Variants in ADGRB3 observed in about 807,000 individuals in gnomAD.
ADGRB3 encodes adhesion G protein-coupled receptor B3.
In ADGRB3, 37 loss-of-function variants were observed where a neutral mutation model predicts 193.4. The observed-to-expected ratio is 0.19, with a 90% confidence interval of 0.15 to 0.25. The LOEUF (loss-of-function observed/expected upper bound fraction) is 0.25. Among genes scored for constraint, ADGRB3 ranks in the 10% least tolerant of loss-of-function variants. ADGRB3 has a pLI of 1.00. For synonymous variants in ADGRB3, 690 were observed against 644.2 expected (o/e 1.07, Z -1.08); for missense variants, 1,637 against 1,852.9 (o/e 0.88, Z 2.14).
At chr6:69,326,642 T>C (rs1768576126) in intron 21 of ADGRB3, among the ~76,000 whole-genome samples, 1 of 152,084 alleles carries the variant, frequency 6.6e-6, no homozygotes, top group Non-Finnish European at 1.5e-5. Flanking sequence ...TACAATAAAA[T>C]GAATCTAGAA....
chr6:69,376,233 G>C (rs1472746817), intron 30 of ADGRB3, among the ~76,000 whole-genome samples: 1 of 151,474 alleles, frequency 6.6e-6, no homozygotes, highest in African/African-American at 2.4e-5. Flanking sequence ...GGGACCACAG[G>C]CATGTGCCAC....
At chr6:69,028,436 C>G (rs1295984144) in intron 13 of ADGRB3, among the ~76,000 whole-genome samples, 1 of 152,142 alleles carries the variant, frequency 6.6e-6, no homozygotes, top group African/African-American at 2.4e-5. Context: ...ATCTTCATCT[C>G]TACAGCTTTA....
chr6:69,039,035 A>C (rs987365889), intron 13 of ADGRB3, among the ~76,000 whole-genome samples: 1 of 152,174 alleles, frequency 6.6e-6, no homozygotes, highest in African/African-American at 2.4e-5. Flanking sequence ...TTTGATTGGC[A>C]TGCCCACACT....
chr6:68,768,768 G>T (rs979079195), intron 3 of ADGRB3, among the ~76,000 whole-genome samples: 2 of 151,926 alleles, frequency 1.3e-5, no homozygotes, highest in African/African-American at 4.8e-5. Flanking sequence ...TACAGAATGG[G>T]AGAAAGTTTT....
chr6:69,045,886 A>C (rs1243897585), intron 13 of ADGRB3, among the ~76,000 whole-genome samples: 1 of 152,186 alleles, frequency 6.6e-6, no homozygotes, highest in African/African-American at 2.4e-5. Context: ...TGATTTTTCC[A>C]TTCCTTTAAT....
At chr6:68,886,641 G>A (rs1765915055) in intron 3 of ADGRB3, among the ~76,000 whole-genome samples, 2 of 151,958 alleles carry the variant, frequency 1.3e-5, no homozygotes, top group Admixed American at 1.3e-4. Context: ...TTAGCAAAAT[G>A]AACCCAGATT....
intron 3 of ADGRB3, among the ~76,000 whole-genome samples, chr6:68,835,797 T>C (rs1323490763): frequency 6.6e-6 from 1 of 152,216 alleles, no homozygotes; most frequent in Non-Finnish European, 1.5e-5. Context: ...TAGCATTGTT[T>C]TTTGCTTTGA....
intron 30 of ADGRB3, among the ~76,000 whole-genome samples, chr6:69,378,931 A>G (rs1769890199): frequency 6.6e-6 from 1 of 152,002 alleles, no homozygotes; most frequent in South Asian, 2.1e-4. Context: ...TCAATAATTA[A>G]AGGATTGCAA....
chr6:69,386,380 CT>C (rs1357155028), intron 31 of ADGRB3, among the ~76,000 whole-genome samples: 1 of 152,056 alleles, frequency 6.6e-6, no homozygotes, highest in Non-Finnish European at 1.5e-5. Flanking sequence ...TTCTTTCAAA[CT>C]AAGGATTCCC....
chr6:69,381,965 T>G (rs796278127), intron 30 of ADGRB3, among the ~76,000 whole-genome samples: 13 of 151,968 alleles, frequency 8.6e-5, no homozygotes, highest in African/African-American at 3.1e-4. Context: ...AAATAACAAT[T>G]ACAAATACAG....
At chr6:69,378,270 T>C (rs1300428997) in intron 30 of ADGRB3, among the ~76,000 whole-genome samples, 4 of 152,080 alleles carry the variant, frequency 2.6e-5, no homozygotes, top group African/African-American at 9.7e-5. Context: ...TAGCCCATCC[T>C]GGATTGTTTT....
intron 3 of ADGRB3, among the ~76,000 whole-genome samples, chr6:68,703,668 C>T (rs1765279444): frequency 6.6e-6 from 1 of 152,020 alleles, no homozygotes; most frequent in African/African-American, 2.4e-5. Flanking sequence ...TGTTGCCCAG[C>T]CTGGAGTGCA....
intron 17 of ADGRB3, among the ~76,000 whole-genome samples, chr6:69,219,968 A>C (rs1983911): frequency 1.1e-3 from 171 of 152,210 alleles, no homozygotes; most frequent in Non-Finnish European, 2.1e-3. Flanking sequence ...TATATTAATT[A>C]TGACAGAGAA....
chr6:69,375,236 T>A (rs1473622649), intron 30 of ADGRB3, among the ~76,000 whole-genome samples: 1 of 152,144 alleles, frequency 6.6e-6, no homozygotes, highest in African/African-American at 2.4e-5. Flanking sequence ...AGAATGATTT[T>A]TTATACTCTA....
rs193210351 is a variant in ADGRB3 at position 68,981,510 on chromosome 6, A to G, written c.1734+6170A>G. Among the ~76,000 whole-genome samples the G allele has an allele frequency of 4.7e-4, 71 of 151,822 alleles. 3 individuals are homozygous for G. Among genetic ancestry groups the G allele is most frequent in the Non-Finnish European group, 8.6e-4 (58 of 67,768 alleles). On this transcript the variant is annotated intron_variant, in intron 10 of 31. Coordinates refer to ENST00000370598, the MANE Select transcript of ADGRB3 (RefSeq NM_001704.3). ...TTCCATTATGCCTGTAAAACTTTCA[A>G]TTGTATTGACTTTATGTATTGTATT... is the stretch of plus-strand genomic sequence containing the variant.
intron 15 of ADGRB3, among the ~76,000 whole-genome samples, chr6:69,053,724 C>G (rs550472381): frequency 2.0e-5 from 3 of 152,172 alleles, no homozygotes; most frequent in Non-Finnish European, 4.4e-5. Context: ...TTGGCAAGCT[C>G]GTAAACTGCT....
chr6:68,867,738 A>G (rs1384368896), intron 3 of ADGRB3, among the ~76,000 whole-genome samples: 5 of 152,174 alleles, frequency 3.3e-5, no homozygotes, highest in Non-Finnish European at 7.3e-5. Context: ...TTGTATCCGC[A>G]TGTCCTGTAT....
At chr6:69,214,991 A>G (rs1765747207) in intron 17 of ADGRB3, among the ~76,000 whole-genome samples, 1 of 152,100 alleles carries the variant, frequency 6.6e-6, no homozygotes, top group Admixed American at 6.6e-5. Flanking sequence ...ATCACTCTCC[A>G]TCTACTCTTG....
intron 19 of ADGRB3, among the ~76,000 whole-genome samples, chr6:69,236,671 G>A (rs543567911): frequency 2.6e-5 from 4 of 152,028 alleles, no homozygotes; most frequent in African/African-American, 9.6e-5. Context: ...TAGGGTTCAG[G>A]CACCAATTCC....
Sources: gnomAD v4.1 joint callset for allele counts (sites outside exome capture counted in the v4.1 genomes callset) on GRCh38, gnomAD v4.1.1 for gene constraint, MANE v1.5 for transcripts, NCBI Gene and HGNC (gene_info 2026-07-23, HGNC 2026-07-21) for gene names.